The following CSMD3 variants were observed in gnomAD, a reference collection of about 807,000 sequenced individuals.
The protein encoded by CSMD3 is CUB and sushi domain-containing protein 3.
Under a neutral mutation model 435.2 loss-of-function variants are expected in CSMD3, and 177 were observed. The ratio of observed to expected loss-of-function variants is 0.41; its 90% CI spans 0.36 to 0.46. The LOEUF (loss-of-function observed/expected upper bound fraction) is 0.46. Among genes scored for constraint, CSMD3 ranks in the 20% least tolerant of loss-of-function variants. The pLI is 0.34. For synonymous variants in CSMD3, 1,656 were observed against 1,520.5 expected (o/e 1.09, Z -2.07); for missense variants, 4,265 against 4,504.6 (o/e 0.95, Z 1.52).
At chr8:112,361,602 T>C (rs1477958871) in intron 38 of CSMD3, among the ~76,000 whole-genome samples, 8 of 136,770 alleles carry the variant, frequency 5.8e-5, no homozygotes, top group Non-Finnish European at 9.5e-5. Flanking sequence ...TATATATATA[T>C]ATATATATAT....
At chr8:112,902,117 T>G (rs1476873760) in intron 10 of CSMD3, among the ~76,000 whole-genome samples, 1 of 151,314 alleles carries the variant, frequency 6.6e-6, no homozygotes, top group African/African-American at 2.4e-5. Context: ...GAGCTATAAG[T>G]GTCTGTGACT....
At chr8:112,547,565 AC>A (rs1458078415) in intron 27 of CSMD3, among the ~76,000 whole-genome samples, 1 of 152,036 alleles carries the variant, frequency 6.6e-6, no homozygotes, top group Non-Finnish European at 1.5e-5. Flanking sequence ...ACAAAAAACA[AC>A]CAAAAAACTT....
intron 3 of CSMD3, among the ~76,000 whole-genome samples, chr8:113,241,716 C>A (rs1407925084): frequency 1.3e-5 from 2 of 151,506 alleles, no homozygotes; most frequent in African/African-American, 4.8e-5. Context: ...ATAGAGGTAA[C>A]ACCTAAAGTA....
chr8:113,374,849 C>CAAAAAAAAAAAAG (rs1251115132), intron 1 of CSMD3, among the ~76,000 whole-genome samples: 1 of 21,008 alleles, frequency 4.8e-5, no homozygotes, highest in Non-Finnish European at 1.2e-4. Flanking sequence ...AAAAAAAAAC[C>CAAAAAAAAAAAAG]AATAAAATGA....
At chr8:112,531,579 T>C (rs1234744571) in intron 27 of CSMD3, among the ~76,000 whole-genome samples, 1 of 152,108 alleles carries the variant, frequency 6.6e-6, no homozygotes, top group African/African-American at 2.4e-5. Context: ...AAATTTTCCA[T>C]GATCTCCCAA....
chr8:112,902,538 C>G (rs1016344256), intron 10 of CSMD3, among the ~76,000 whole-genome samples: 1 of 151,146 alleles, frequency 6.6e-6, no homozygotes, highest in East Asian at 2.0e-4. Flanking sequence ...ATATATGAAC[C>G]TGGTTTGATG....
chr8:112,649,547 C>T (rs144236225), intron 19 of CSMD3, among the ~76,000 whole-genome samples: 131 of 152,290 alleles, frequency 8.6e-4, no homozygotes, highest in African/African-American at 2.9e-3. Flanking sequence ...AGCAAGCATG[C>T]AAGCACTTCC....
chr8:113,357,547 A>G (rs1473211645), intron 1 of CSMD3, among the ~76,000 whole-genome samples: 4 of 152,238 alleles, frequency 2.6e-5, no homozygotes, highest in Non-Finnish European at 4.4e-5. Context: ...CAATAAACAC[A>G]ACGTTGTTGT....
chr8:112,707,227 T>C (rs1411627221), intron 13 of CSMD3, among the ~76,000 whole-genome samples: 2 of 152,050 alleles, frequency 1.3e-5, no homozygotes, highest in Non-Finnish European at 2.9e-5. Flanking sequence ...TCTGGAAATA[T>C]AATTTTGTAT....
chr8:112,984,727 G>A (rs1238654966), intron 6 of CSMD3, among the ~76,000 whole-genome samples: 2 of 151,900 alleles, frequency 1.3e-5, no homozygotes, highest in Admixed American at 6.6e-5. Context: ...AAACTACTTC[G>A]GCTTTACATA....
intron 24 of CSMD3, among the ~76,000 whole-genome samples, chr8:112,570,901 T>C (rs1390599174): frequency 6.6e-6 from 1 of 152,168 alleles, no homozygotes; most frequent in African/African-American, 2.4e-5. Flanking sequence ...TAAATGTATG[T>C]TTTCCCTTTT....
chr8:112,493,039 C>T (rs747521451), intron 30 of CSMD3, among the ~76,000 whole-genome samples: 3 of 152,152 alleles, frequency 2.0e-5, no homozygotes, highest in Non-Finnish European at 2.9e-5. Context: ...TTTTATGGAC[C>T]TTTAAGACAT....
chr8:113,055,382 C>G (rs1214055985), intron 5 of CSMD3, among the ~76,000 whole-genome samples: 1 of 152,188 alleles, frequency 6.6e-6, no homozygotes, highest in Non-Finnish European at 1.5e-5. Flanking sequence ...CTATTAAACT[C>G]TCATTTTTCA....
At chr8:113,281,267 T>C (rs968744069) in intron 2 of CSMD3, among the ~76,000 whole-genome samples, 11 of 151,916 alleles carry the variant, frequency 7.2e-5, no homozygotes, top group African/African-American at 2.2e-4. Context: ...CGGTGGAGTG[T>C]TGAAGTCCCC....
chr8:112,552,037 G>A (rs1023470751), intron 26 of CSMD3, among the ~76,000 whole-genome samples: 2 of 151,978 alleles, frequency 1.3e-5, no homozygotes, highest in Admixed American at 1.3e-4. Context: ...GGAACTCTGC[G>A]GAAAAGGGAA....
chr8:112,826,035 G>A lies in CSMD3; in HGVS notation c.1859+3651C>T, dbSNP rs191023367. 2.7e-3 allele frequency among the ~76,000 whole-genome samples: 410 copies of A among 152,286 alleles called. 1 individual carries two copies. The highest frequency in any genetic ancestry group is 9.5e-3 in the African/African-American group (395 of 41,574). On this transcript the variant is annotated intron_variant, in intron 12 of 70. Transcript: ENST00000297405. ...AGTTCTGTCCCTGAGCCCCTGGCTG[G>A]AGTTCTTGGAGTTCCTGCAGGGAGG...
intron 1 of CSMD3, among the ~76,000 whole-genome samples, chr8:113,370,832 A>G (rs908571911): frequency 9.2e-5 from 14 of 151,872 alleles, no homozygotes; most frequent in African/African-American, 3.1e-4. Context: ...TTTGCCTGTT[A>G]AAAAAAATCT....
chr8:113,158,786 A>G (rs954940643), intron 4 of CSMD3, among the ~76,000 whole-genome samples: 21 of 152,126 alleles, frequency 1.4e-4, no homozygotes, highest in African/African-American at 5.1e-4. Flanking sequence ...AGATAGATGT[A>G]CATGTATTTA....
chr8:112,233,938 T>C (rs1813321956), intron 68 of CSMD3, among the ~76,000 whole-genome samples: 1 of 152,208 alleles, frequency 6.6e-6, no homozygotes, highest in Admixed American at 6.5e-5. Flanking sequence ...AATTTTCTGA[T>C]GTACTTTGTA....
Sources: allele counts gnomAD v4.1 joint callset (sites outside exome capture counted in the v4.1 genomes callset), GRCh38; gene constraint gnomAD v4.1.1; transcripts MANE v1.5; gene names NCBI Gene and HGNC (gene_info 2026-07-23, HGNC 2026-07-21).